NDST4: variants seen among roughly 807,000 people sequenced by gnomAD.
The protein encoded by NDST4 is N-heparan sulfate sulfotransferase 4.
Under a neutral mutation model 100.8 loss-of-function variants are expected in NDST4, and 63 were observed. The ratio of observed to expected loss-of-function variants is 0.62; its 90% CI spans 0.51 to 0.77. NDST4 has a LOEUF of 0.77. Among genes scored for constraint, NDST4 ranks in the 30% least tolerant of loss-of-function variants. The pLI is 0.00. For missense variants in NDST4, 943 were observed against 1,018.4 expected, an observed-to-expected ratio of 0.93 and a Z score of 1.01; for synonymous variants, 377 against 361.8, an observed-to-expected ratio of 1.04 and a Z score of -0.48.
intron 6 of NDST4, among the ~76,000 whole-genome samples, chr4:114,886,055 C>T (rs1041184876): frequency 6.6e-6 from 1 of 151,996 alleles, no homozygotes; most frequent in Non-Finnish European, 1.5e-5. Context: ...CTAGGGAGGT[C>T]ACCTTTTGCT....
At chr4:114,869,039 A>C (rs1489232170) in intron 7 of NDST4, among the ~76,000 whole-genome samples, 1 of 150,942 alleles carries the variant, frequency 6.6e-6, no homozygotes, top group East Asian at 1.9e-4. Flanking sequence ...ATTTCCATTT[A>C]TACCCCTAAT....
At chr4:115,056,906 A>G (rs2126281469) in intron 2 of NDST4, among the ~76,000 whole-genome samples, 1 of 149,686 alleles carries the variant, frequency 6.7e-6, no homozygotes, top group South Asian at 2.1e-4. Context: ...ATGTTATAGT[A>G]ATTCCTAGTA....
At chr4:115,088,108 A>T (rs2126293750) in intron 1 of NDST4, among the ~76,000 whole-genome samples, 1 of 151,912 alleles carries the variant, frequency 6.6e-6, no homozygotes, top group East Asian at 1.9e-4. Context: ...TATTTTGATG[A>T]TTTCAATAAC....
intron 2 of NDST4, among the ~76,000 whole-genome samples, chr4:115,023,698 A>G (rs1482355110): frequency 1.3e-5 from 2 of 152,160 alleles, no homozygotes; most frequent in Non-Finnish European, 2.9e-5. Context: ...AACTGTGTTA[A>G]GGAGAAGAAA....
In NDST4 at chr4:114,852,766, T is replaced by C. The variant is rs199534646; in HGVS notation, c.1775A>G (p.Asp592Gly). Residue 592 changes from aspartate to glycine, a missense_variant, in exon 8 of 14, where the codon GAC becomes GGC. Around this residue, in one of 2 missense-constraint regions of NDST4, gnomAD observed 526 missense variants for 634.1 expected, o/e 0.83. Coordinates refer to ENST00000264363, the MANE Select transcript of NDST4 (RefSeq NM_022569.3). ...KDIWSREKTC[D>G]HLPKFLVIGP... ...AATTACTAGAAATTTTGGTAAGTGG[T>C]CACAAGTTTTCTCTCTGGACCAGAT... 1 of 1,612,712 alleles carries C rather than the reference T, an allele frequency of 6.2e-7. No homozygotes were observed. Among genetic ancestry groups the C allele is most frequent in the African/African-American group, 1.3e-5 (1 of 74,840 alleles).
intron 2 of NDST4, among the ~76,000 whole-genome samples, chr4:115,004,679 A>G (rs147103635): frequency 6.7e-4 from 102 of 152,282 alleles, no homozygotes; most frequent in African/African-American, 2.4e-3. Flanking sequence ...TTGAACATAT[A>G]ATAGAAAGTT....
chr4:115,073,710 GGAA>G (rs907598176), intron 2 of NDST4, among the ~76,000 whole-genome samples: 6 of 151,840 alleles, frequency 4.0e-5, no homozygotes, highest in Non-Finnish European at 7.4e-5. Context: ...CATTTTGATT[GGAA>G]GAAGAAGTTG....
chr4:115,059,703 G>A (rs550746863), intron 2 of NDST4, among the ~76,000 whole-genome samples: 11 of 151,904 alleles, frequency 7.2e-5, no homozygotes, highest in Non-Finnish European at 1.5e-4. Context: ...TTTAAAAAGC[G>A]GGTACATTCA....
chr4:114,931,336 A>T (rs1466891018), intron 6 of NDST4, among the ~76,000 whole-genome samples: 1 of 151,820 alleles, frequency 6.6e-6, no homozygotes, highest in East Asian at 1.9e-4. Flanking sequence ...TTTACCAGCT[A>T]GTTTTGTGAA....
chr4:115,071,387 C>G (rs1222807797), intron 2 of NDST4, among the ~76,000 whole-genome samples: 1 of 151,266 alleles, frequency 6.6e-6, no homozygotes, highest in African/African-American at 2.4e-5. Context: ...TCTTGCTATT[C>G]CAGTCTAATT....
intron 2 of NDST4, among the ~76,000 whole-genome samples, chr4:114,986,793 C>CATGTATATATAT (rs1560845235): frequency 8.8e-5 from 8 of 91,146 alleles, no homozygotes; most frequent in Middle Eastern, 6.8e-3. Flanking sequence ...TCCAATTATA[C>CATGTATATATAT]ATATATATAT....
At chr4:114,949,074 T>C (rs771420555) in intron 4 of NDST4, among the ~76,000 whole-genome samples, 4 of 152,070 alleles carry the variant, frequency 2.6e-5, no homozygotes, top group Non-Finnish European at 4.4e-5. Flanking sequence ...AGTCATTTAA[T>C]AATTAGAAAC....
intron 5 of NDST4, 118 bp from the exon 6 acceptor site, chr4:114,935,452 A>G: frequency 1.1e-6 from 1 of 929,734 alleles, no homozygotes; most frequent in Non-Finnish European, 1.5e-6. Context: ...TTGGTTGCTA[A>G]GGCCAAATCT....
At chr4:114,982,153 C>T (rs1726789293) in intron 2 of NDST4, among the ~76,000 whole-genome samples, 1 of 152,112 alleles carries the variant, frequency 6.6e-6, no homozygotes, top group Non-Finnish European at 1.5e-5. Flanking sequence ...GGGAGTGGGG[C>T]ACTGCTATAA....
chr4:114,971,536 T>A (rs1578422248), intron 3 of NDST4, among the ~76,000 whole-genome samples: 1 of 152,252 alleles, frequency 6.6e-6, no homozygotes, highest in East Asian at 1.9e-4. Context: ...TGTGAATCGA[T>A]AACATAAGAA....
intron 6 of NDST4, among the ~76,000 whole-genome samples, chr4:114,918,706 G>T (rs1578388257): frequency 6.6e-6 from 1 of 152,210 alleles, no homozygotes; most frequent in South Asian, 2.1e-4. Context: ...TCTGGCTTGG[G>T]CTTGGAAACT....
chr4:114,986,832 A>ATATTTTTTTTTTTT, intron 2 of NDST4, among the ~76,000 whole-genome samples: 1 of 94,664 alleles, frequency 1.1e-5, no homozygotes, highest in African/African-American at 3.7e-5. Context: ...ATATATATAT[A>ATATTTTTTTTTTTT]TTTTAATATA....
chr4:114,974,099 G>A (rs1726577328), intron 3 of NDST4, among the ~76,000 whole-genome samples: 1 of 151,782 alleles, frequency 6.6e-6, no homozygotes, highest in African/African-American at 2.4e-5. Flanking sequence ...AACATGCTAA[G>A]CATTGCTCCT....
At chr4:115,104,007 C>A (rs1198407473) in intron 1 of NDST4, among the ~76,000 whole-genome samples, 2 of 152,074 alleles carry the variant, frequency 1.3e-5, no homozygotes. Flanking sequence ...TAAAAGAATA[C>A]TAGACATCGT....
Sources: allele counts gnomAD v4.1 joint callset (sites outside exome capture counted in the v4.1 genomes callset), GRCh38; gene constraint gnomAD v4.1.1; regional missense constraint gnomAD v4.1.1; transcripts MANE v1.5; gene names NCBI Gene and HGNC (gene_info 2026-07-23, HGNC 2026-07-21).